The following CHL1 variants were observed in gnomAD, a reference collection of about 807,000 sequenced individuals.
CHL1 encodes cell adhesion molecule L1 like.
Under a neutral mutation model 141.9 loss-of-function variants are expected in CHL1, and 96 were observed. That is an observed-to-expected ratio of 0.68 (90% CI 0.57 to 0.80). The LOEUF is 0.80. Ranked by LOEUF, CHL1 falls within the 30% of genes least tolerant of loss-of-function variation. The pLI is 0.00. For missense variants in CHL1, 1,820 were observed against 1,457.2 expected (o/e 1.25, Z -4.05); for synonymous variants, 613 against 502.2 (o/e 1.22, Z -2.95).
intron 2 of CHL1, among the ~76,000 whole-genome samples, chr3:251,309 C>T (rs162738): frequency 0.49 from 74,640 of 152,006 alleles, 21,131 homozygotes; most frequent in African/African-American, 0.79. Flanking sequence ...GTAGATAATG[C>T]ACTGAGAATG....
At position 343,015 on chromosome 3, in the gene CHL1, A is replaced by T. The variant is rs1307902543; in HGVS notation, c.711A>T (p.Thr237=). Residue 237 remains threonine, a synonymous_variant, in exon 8 of 28, where the codon ACA becomes ACT. Coordinates refer to ENST00000256509, the MANE Select transcript of CHL1 (RefSeq NM_006614.4). ...ATGCTAATGACTCAAGTTCATCCAC[A>T]GAAATTGGTTCCAAGGGTAAGTTGA... ...LKHANDSSSS[T]EIGSKANSIK... 2 of 1,608,438 alleles carry T rather than the reference A, an allele frequency of 1.2e-6. No individual in the cohort carries two copies. Among genetic ancestry groups the T allele is most frequent in the Admixed American group, 3.4e-5 (2 of 58,536 alleles).
intron 1 of CHL1, among the ~76,000 whole-genome samples, chr3:201,824 G>T (rs993563416): frequency 2.6e-5 from 4 of 152,104 alleles, no homozygotes; most frequent in Non-Finnish European, 5.9e-5. Flanking sequence ...TGTGGAGGTA[G>T]GAGCTCTGTT....
chr3:214,956 GCACACACA>G (rs5845952), intron 1 of CHL1, among the ~76,000 whole-genome samples: 4 of 150,274 alleles, frequency 2.7e-5, no homozygotes, highest in South Asian at 2.1e-4. Context: ...ATGTGCACGT[GCACACACA>G]CACACACACA....
At chr3:287,374 C>T (rs1697257161) in intron 2 of CHL1, among the ~76,000 whole-genome samples, 1 of 152,160 alleles carries the variant, frequency 6.6e-6, no homozygotes, top group Non-Finnish European at 1.5e-5. Context: ...ACTTTTCCTG[C>T]AAACCGTAAT....
At chr3:201,713 A>G (rs1698959535) in intron 1 of CHL1, among the ~76,000 whole-genome samples, 1 of 152,182 alleles carries the variant, frequency 6.6e-6, no homozygotes, top group African/African-American at 2.4e-5. Flanking sequence ...AACTTGGTCA[A>G]TATATAATTA....
At chr3:293,510 AT>A (rs1453910822) in intron 2 of CHL1, among the ~76,000 whole-genome samples, 6 of 152,328 alleles carry the variant, frequency 3.9e-5, no homozygotes, top group Non-Finnish European at 7.4e-5. Flanking sequence ...ATCAAAAAAA[AT>A]TTTAAAAAAA....
chr3:342,194 AGTT>A, intron 7 of CHL1, 112 bp downstream of exon 7: 1 of 896,730 alleles, frequency 1.1e-6, no homozygotes, highest in Non-Finnish European at 1.7e-6. Context: ...ACCATTGTGC[AGTT>A]CAACTCTGGA....
At chr3:276,634 A>T (rs12631268) in intron 2 of CHL1, among the ~76,000 whole-genome samples, 17 of 151,906 alleles carry the variant, frequency 1.1e-4, no homozygotes, top group Non-Finnish European at 2.4e-4. Flanking sequence ...TCACACCTGT[A>T]ATCCCAGCAC....
chr3:217,241 C>T (rs1381227549), intron 1 of CHL1, among the ~76,000 whole-genome samples: 1 of 152,000 alleles, frequency 6.6e-6, no homozygotes, highest in African/African-American at 2.4e-5. Flanking sequence ...GGAAAGAAAA[C>T]AGGTCTCTCC....
chr3:374,221 G>T (rs12636419), intron 15 of CHL1, among the ~76,000 whole-genome samples: 145,670 of 152,028 alleles, frequency 0.96, 70,081 homozygotes, highest in East Asian at 1. Flanking sequence ...CCCTCCTTCC[G>T]ATATATACAA....
intron 1 of CHL1, among the ~76,000 whole-genome samples, chr3:220,717 T>C (rs1385882572): frequency 6.6e-6 from 1 of 152,160 alleles, no homozygotes; most frequent in Non-Finnish European, 1.5e-5. Flanking sequence ...TGAGAAAATG[T>C]TATCATTTAT....
At chr3:197,603 C>G in intron 1 of CHL1, 1 of 359,832 alleles carries the variant, frequency 2.8e-6, no homozygotes, top group Non-Finnish European at 5.5e-6. Flanking sequence ...GGCTCCTCCT[C>G]TCAGGAGAGG....
intron 1 of CHL1, among the ~76,000 whole-genome samples, chr3:233,746 AAC>A (rs1480901977): frequency 6.6e-6 from 1 of 152,116 alleles, no homozygotes; most frequent in Non-Finnish European, 1.5e-5. Flanking sequence ...ATTCTTTAAA[AAC>A]ACAACTTTTT....
At chr3:243,905 A>G (rs375665308) in intron 1 of CHL1, among the ~76,000 whole-genome samples, 29 of 152,344 alleles carry the variant, frequency 1.9e-4, no homozygotes, top group African/African-American at 6.5e-4. Flanking sequence ...GATGCCTAAT[A>G]GAAAGTAGAG....
intron 2 of CHL1, chr3:247,573 A>C (rs3864045): frequency 6.6e-5 from 10 of 152,218 alleles, no homozygotes; most frequent in Admixed American, 2.6e-4. Flanking sequence ...CTGATAGATC[A>C]CTTTCTGGAC....
At chr3:288,274 CCTCT>C (rs1697353184) in intron 2 of CHL1, among the ~76,000 whole-genome samples, 1 of 152,118 alleles carries the variant, frequency 6.6e-6, no homozygotes, top group African/African-American at 2.4e-5. Context: ...TCTATTATCT[CCTCT>C]CTCTAACTGC....
chr3:203,718 A>G (rs1048307487), intron 1 of CHL1, among the ~76,000 whole-genome samples: 13 of 152,220 alleles, frequency 8.5e-5, no homozygotes, highest in Admixed American at 7.9e-4. Flanking sequence ...GAACATAACT[A>G]CTGTCAAATC....
chr3:404,948 C>T (rs1030852510), intron 27 of CHL1, among the ~76,000 whole-genome samples: 11 of 152,228 alleles, frequency 7.2e-5, no homozygotes, highest in South Asian at 4.1e-4. Context: ...GTCTGGTGAA[C>T]GCTCACTTTC....
chr3:283,021 T>C (rs1487957724), intron 2 of CHL1, among the ~76,000 whole-genome samples: 1 of 152,236 alleles, frequency 6.6e-6, no homozygotes, highest in African/African-American at 2.4e-5. Context: ...CTGCTCTGAT[T>C]GTTTCCTTGT....
Sources: gnomAD v4.1 joint callset for allele counts (sites outside exome capture counted in the v4.1 genomes callset) on GRCh38, gnomAD v4.1.1 for gene constraint, MANE v1.5 for transcripts, NCBI Gene and HGNC (gene_info 2026-07-23, HGNC 2026-07-21) for gene names.